The following CACNA1E variants were observed in gnomAD, a reference collection of about 807,000 sequenced individuals.
CACNA1E encodes calcium voltage-gated channel subunit alpha1 E, also known as voltage-dependent R-type calcium channel subunit alpha-1E.
In CACNA1E, 40 loss-of-function variants were observed where a neutral mutation model predicts 259.2. The ratio of observed to expected loss-of-function variants is 0.15; its 90% CI spans 0.12 to 0.20. The LOEUF (loss-of-function observed/expected upper bound fraction) is 0.20, where lower values mean the gene tolerates loss of function less well. CACNA1E is among the 10% of genes least tolerant of loss of function. CACNA1E has a pLI of 1.00. For synonymous variants in CACNA1E, 1,104 were observed against 1,138.5 expected (o/e 0.97, Z 0.61); for missense variants, 1,874 against 3,040.1 (o/e 0.62, Z 9.02).
chr1:181,742,099 C>T (rs1023684029), intron 25 of CACNA1E, among the ~76,000 whole-genome samples: 1 of 152,180 alleles, frequency 6.6e-6, no homozygotes, highest in African/African-American at 2.4e-5. Context: ...CCTCCTTTGG[C>T]CTTCGTCACA....
intron 1 of CACNA1E, among the ~76,000 whole-genome samples, chr1:181,392,812 A>G (rs900212528): frequency 1.1e-4 from 16 of 152,226 alleles, no homozygotes; most frequent in African/African-American, 3.4e-4. Context: ...GCTGGAAAAA[A>G]AGACAGTGGC....
chr1:181,614,090 T>G (rs772637272), intron 6 of CACNA1E, among the ~76,000 whole-genome samples: 48 of 152,256 alleles, frequency 3.2e-4, no homozygotes, highest in Non-Finnish European at 4.3e-4. Context: ...ATAGCAATCC[T>G]GCACCCATGT....
chr1:181,656,366 G>A (rs1398897014), intron 7 of CACNA1E, among the ~76,000 whole-genome samples: 1 of 152,076 alleles, frequency 6.6e-6, no homozygotes, highest in African/African-American at 2.4e-5. Flanking sequence ...AGGCTAGTGT[G>A]TGTGTTTGTG....
chr1:181,548,965 C>T (rs957784153), intron 3 of CACNA1E, among the ~76,000 whole-genome samples: 9 of 152,042 alleles, frequency 5.9e-5, no homozygotes, highest in Non-Finnish European at 1.2e-4. Context: ...TTTCAAGCCC[C>T]GAAACTGAGA....
At chr1:181,341,329 C>T (rs1304501521) in intron 1 of CACNA1E, among the ~76,000 whole-genome samples, 1 of 152,218 alleles carries the variant, frequency 6.6e-6, no homozygotes, top group Non-Finnish European at 1.5e-5. Context: ...TTTACTGCAG[C>T]AGCAGTGAGG....
rs544063837 is a variant in CACNA1E at position 181,703,897 on chromosome 1, A to G, written c.1056-7057A>G. Among the ~76,000 whole-genome samples the G allele has an allele frequency of 9.2e-5, 14 of 152,298 alleles. 1 individual carries two copies. In the East Asian group the frequency reaches 2.7e-3, roughly 29 times the overall value. On this transcript the variant is annotated intron_variant, in intron 7 of 47. Coordinates refer to ENST00000367573, the MANE Select transcript of CACNA1E (RefSeq NM_001205293.3). ...TGGTCTGTCTTCCATTGCCGTGGAC[A>G]TAAGGTGGTGGAGTAGGAGTGGGAT... is the stretch of plus-strand genomic sequence containing the variant.
At chr1:181,587,860 G>A (rs2103009931) in intron 6 of CACNA1E, among the ~76,000 whole-genome samples, 1 of 152,330 alleles carries the variant, frequency 6.6e-6, no homozygotes, top group Admixed American at 6.5e-5. Flanking sequence ...TCCGGCCTGG[G>A]TGAAAGAGCG....
At chr1:181,442,663 A>G (rs960862777) in intron 2 of CACNA1E, among the ~76,000 whole-genome samples, 9 of 152,130 alleles carry the variant, frequency 5.9e-5, no homozygotes, top group Non-Finnish European at 1.3e-4. Flanking sequence ...TGGTTCTATA[A>G]TATCCTAGAA....
chr1:181,524,901 C>T (rs576333671), intron 3 of CACNA1E, among the ~76,000 whole-genome samples: 68 of 152,252 alleles, frequency 4.5e-4, no homozygotes, highest in African/African-American at 1.6e-3. Context: ...ATGATCTCTT[C>T]ATTATCTATG....
In CACNA1E at chr1:181,737,704, C is replaced by G. The variant is rs759145432; in HGVS notation, c.3552+50C>G. On this transcript the variant is annotated intron_variant, in intron 23 of 47. Transcript: ENST00000367573. ...AGCCTCTGTAGTGCTCTGGTGCTCA[C>G]CCCATCCCAGCACTGGAGGTGAACC... is the stretch of plus-strand genomic sequence containing the variant. 1.1e-4 allele frequency: 177 copies of G among 1,585,132 alleles called. 2 individuals are homozygous for G. The South Asian group carries it at 2.0e-3, about 18-fold the overall frequency.
At chr1:181,525,708 G>A (rs1572102253) in intron 3 of CACNA1E, among the ~76,000 whole-genome samples, 1 of 152,208 alleles carries the variant, frequency 6.6e-6, no homozygotes, top group East Asian at 1.9e-4. Context: ...CAGAATTTTA[G>A]TTATGAACTG....
chr1:181,769,251 C>T (rs1203443768), intron 35 of CACNA1E, among the ~76,000 whole-genome samples: 1 of 151,854 alleles, frequency 6.6e-6, no homozygotes, highest in East Asian at 1.9e-4. Context: ...TAAATCTATA[C>T]TCTCATGAGA....
chr1:181,500,918 T>G (rs1665194033), intron 1 of CACNA1E, among the ~76,000 whole-genome samples: 1 of 152,212 alleles, frequency 6.6e-6, no homozygotes, highest in Admixed American at 6.5e-5. Context: ...GGTGTTGATA[T>G]GAAGTGGGGT....
At position 181,800,279 on chromosome 1, in the gene CACNA1E, T is replaced by TG. The variant is rs1662176320; in HGVS notation, c.*1449dup. 2 of 152,790 alleles carry TG rather than the reference T, an allele frequency of 1.3e-5. No homozygotes were observed. Among genetic ancestry groups the TG allele is most frequent in the Non-Finnish European group, 2.9e-5 (2 of 68,062 alleles). 9.5% of individuals were successfully genotyped at this position (152,790 alleles called of 1,614,324 possible). On this transcript the variant is annotated 3_prime_UTR_variant, in exon 48 of 48. Transcript: ENST00000367573. ...GCCTCATCATACAGGATGACAAGAC[T>TG]GGGGCCCTGTTCACCTTGAACATGC... is the stretch of plus-strand genomic sequence containing the variant.
At chr1:181,654,937 A>C (rs1463222975) in intron 7 of CACNA1E, among the ~76,000 whole-genome samples, 3 of 150,272 alleles carry the variant, frequency 2.0e-5, no homozygotes, top group Non-Finnish European at 4.4e-5. Flanking sequence ...GTGAGCCAAG[A>C]TCACGCCACT....
At chr1:181,702,724 C>G (rs181605393) in intron 7 of CACNA1E, among the ~76,000 whole-genome samples, 1 of 152,116 alleles carries the variant, frequency 6.6e-6, no homozygotes, top group Non-Finnish European at 1.5e-5. Context: ...TCCTCCTCCC[C>G]GGATGTCTGC....
intron 6 of CACNA1E, among the ~76,000 whole-genome samples, chr1:181,644,664 G>C (rs1658101319): frequency 6.6e-6 from 1 of 152,138 alleles, no homozygotes; most frequent in South Asian, 2.1e-4. Flanking sequence ...TTGTGAAACT[G>C]AGCTTCTTGT....
intron 43 of CACNA1E, among the ~76,000 whole-genome samples, chr1:181,787,907 G>A (rs1052922319): frequency 6.6e-6 from 1 of 152,142 alleles, no homozygotes; most frequent in Non-Finnish European, 1.5e-5. Flanking sequence ...GATACACAGG[G>A]GCTAGTACTT....
At chr1:181,604,041 A>T (rs1455302332) in intron 6 of CACNA1E, among the ~76,000 whole-genome samples, 1 of 152,166 alleles carries the variant, frequency 6.6e-6, no homozygotes, top group East Asian at 1.9e-4. Flanking sequence ...AGCCATTCTC[A>T]TCCTGGAAAC....
Sources: gnomAD v4.1 joint callset for allele counts (sites outside exome capture counted in the v4.1 genomes callset) on GRCh38, gnomAD v4.1.1 for gene constraint, MANE v1.5 for transcripts, NCBI Gene and HGNC (gene_info 2026-07-23, HGNC 2026-07-21) for gene names.